CAPS2: variants seen among roughly 807,000 people sequenced by gnomAD.
CAPS2 encodes calcyphosin-2.
Under a neutral mutation model 86.5 loss-of-function variants are expected in CAPS2, and 98 were observed. The observed-to-expected ratio is 1.13, with a 90% confidence interval of 0.96 to 1.34. The LOEUF is 1.34. Among genes scored for constraint, CAPS2 ranks in the 40% most tolerant of loss-of-function variants. The pLI is 0.00. For missense variants in CAPS2, 729 were observed against 686.8 expected (o/e 1.06, Z -0.69); for synonymous variants, 210 against 225.1 (o/e 0.93, Z 0.60).
At chr12:75,356,333 T>G (rs551913393) in intron 1 of CAPS2, among the ~76,000 whole-genome samples, 174 of 152,238 alleles carry the variant, frequency 1.1e-3, no homozygotes, top group Admixed American at 1.9e-3. Flanking sequence ...GATAAGTTTG[T>G]GGATAAATAT....
chr12:75,276,543 T>A, downstream of CAPS2: 1 of 978,390 alleles, frequency 1.0e-6, no homozygotes, highest in Non-Finnish European at 1.2e-6. Context: ...AACAGGGACA[T>A]ACATGTTTAA....
chr12:75,311,557 T>C (rs973927237), intron 7 of CAPS2, among the ~76,000 whole-genome samples: 3 of 151,698 alleles, frequency 2.0e-5, no homozygotes, highest in African/African-American at 7.3e-5. Context: ...ATGAGATCAC[T>C]TAAAAAGCAA....
chr12:75,278,552 G>C (rs1458515242), exon 17 of CAPS2: 1 of 1,003,996 alleles, frequency 1.0e-6, no homozygotes, highest in Non-Finnish European at 1.2e-6. Context: ...CATATTGTTT[G>C]ATGCAGATGT....
intron 1 of CAPS2, chr12:75,366,687 G>A (rs2043987053): frequency 1.9e-6 from 1 of 539,906 alleles, no homozygotes; most frequent in African/African-American, 1.9e-5. Flanking sequence ...TGTGGCCTAG[G>A]GTTTTTTTGT....
At chr12:75,379,157 T>C (rs1437068682) in intron 1 of CAPS2, among the ~76,000 whole-genome samples, 1 of 152,232 alleles carries the variant, frequency 6.6e-6, no homozygotes, top group African/African-American at 2.4e-5. Context: ...TGATTTTCTT[T>C]AAGTCAGATT....
intron 8 of CAPS2, among the ~76,000 whole-genome samples, chr12:75,300,419 G>A (rs993299826): frequency 2.0e-5 from 3 of 151,886 alleles, no homozygotes; most frequent in Non-Finnish European, 2.9e-5. Flanking sequence ...AGCCGGGCGT[G>A]GTGGTGGGCG....
At chr12:75,277,238 A>T (rs2033091720) in exon 17 of CAPS2, 2 of 969,194 alleles carry the variant, frequency 2.1e-6, no homozygotes, top group Non-Finnish European at 2.4e-6. Flanking sequence ...AGTATAACAG[A>T]CTATACATTT....
intron 1 of CAPS2, chr12:75,369,862 T>C (rs2044244162): frequency 1.5e-6 from 2 of 1,332,552 alleles, no homozygotes; most frequent in South Asian, 4.1e-5. Flanking sequence ...AACTAATTTT[T>C]GTTAGTTGAT....
At chr12:75,318,288 C>T (rs921326327) in intron 5 of CAPS2, 1 of 152,182 alleles carries the variant, frequency 6.6e-6, no homozygotes, top group African/African-American at 2.4e-5. Flanking sequence ...TAGGTCCAAG[C>T]TATCATCGTC....
chr12:75,293,330 C>T (rs1435897258), exon 12 of CAPS2: 17 of 1,611,716 alleles, frequency 1.1e-5, no homozygotes, highest in Non-Finnish European at 1.4e-5. Context: ...TTCTGGAAGG[C>T]TGAGATGATC....
exon 17 of CAPS2, chr12:75,277,599 A>G: frequency 1.0e-6 from 1 of 982,144 alleles, no homozygotes; most frequent in Non-Finnish European, 1.2e-6. Flanking sequence ...ATGTTTTAGT[A>G]TTAAGTTTTA....
chr12:75,371,436 CT>C, intron 1 of CAPS2: 2 of 335,718 alleles, frequency 6.0e-6, no homozygotes, highest in South Asian at 4.5e-5. Context: ...CACTGCTCTC[CT>C]TTGGCAATAC....
intron 9 of CAPS2, 135 bp downstream of exon 9, chr12:75,299,702 A>C: frequency 2.3e-6 from 1 of 436,040 alleles, no homozygotes; most frequent in Non-Finnish European, 4.2e-6. Context: ...ATTATTTTAA[A>C]ATGTTTGTTC....
chr12:75,370,231 TGC>T, intron 1 of CAPS2: 14 of 907,426 alleles, frequency 1.5e-5, no homozygotes, highest in Non-Finnish European at 2.0e-5. Context: ...AATAGTTTAT[TGC>T]TTAATATAAC....
At chr12:75,340,117 T>A (rs1295368700) in intron 1 of CAPS2, among the ~76,000 whole-genome samples, 2 of 150,968 alleles carry the variant, frequency 1.3e-5, no homozygotes, top group South Asian at 4.1e-4. Context: ...TTCCATTATA[T>A]GTATATATTT....
exon 11 of CAPS2, chr12:75,298,712 T>C (rs2037312981): frequency 6.2e-7 from 1 of 1,613,882 alleles, no homozygotes; most frequent in Admixed American, 1.7e-5. Flanking sequence ...AAGTCGGTAT[T>C]GTTTTCCTTT....
intron 6 of CAPS2, 72 bp downstream of exon 6, chr12:75,316,240 T>G: frequency 6.6e-7 from 1 of 1,518,974 alleles, no homozygotes; most frequent in Admixed American, 2.1e-5. Flanking sequence ...TTTATTCCAT[T>G]CAGTCTTTAA....
At chr12:75,340,056 C>T (rs2041999498) in intron 1 of CAPS2, among the ~76,000 whole-genome samples, 1 of 151,922 alleles carries the variant, frequency 6.6e-6, no homozygotes, top group African/African-American at 2.4e-5. Context: ...CCAACTCCAT[C>T]CAGGTTGCTG....
intron 1 of CAPS2, among the ~76,000 whole-genome samples, chr12:75,372,353 C>T (rs571200859): frequency 6.6e-6 from 1 of 152,282 alleles, no homozygotes; most frequent in African/African-American, 2.4e-5. Flanking sequence ...CCCCAGCCAA[C>T]ACTATAACTC....
Sources: gnomAD v4.1 joint callset for allele counts (sites outside exome capture counted in the v4.1 genomes callset) on GRCh38, gnomAD v4.1.1 for gene constraint, MANE v1.5 for transcripts, NCBI Gene and HGNC (gene_info 2026-07-23, HGNC 2026-07-21) for gene names.